NOX4: variants seen among roughly 807,000 people sequenced by gnomAD.
The protein encoded by NOX4 is kidney oxidase-1.
A neutral mutation model predicts 87.6 loss-of-function variants in NOX4; 69 were observed. That is an observed-to-expected ratio of 0.79 (90% CI 0.65 to 0.96). The LOEUF (loss-of-function observed/expected upper bound fraction) is 0.96. NOX4 is among the 40% of genes least tolerant of loss of function. The pLI is 0.00. For synonymous variants in NOX4, 275 were observed against 238.2 expected (o/e 1.15, Z -1.42); for missense variants, 680 against 681.5 (o/e 1.00, Z 0.02).
chr11:89,574,393 T>C, the NOX4 span, among the ~76,000 whole-genome samples: 2 of 152,236 alleles, frequency 1.3e-5, no homozygotes. Flanking sequence ...TGCCAATGCC[T>C]ACAGAGCAGA....
At chr11:89,542,322 T>C in the NOX4 span, among the ~76,000 whole-genome samples, 4 of 152,256 alleles carry the variant, frequency 2.6e-5, no homozygotes, top group African/African-American at 9.6e-5. Flanking sequence ...AATATTTGTC[T>C]GGCTTTTAGC....
At chr11:89,497,161 G>C (rs1946964766), upstream of NOX4, among the ~76,000 whole-genome samples, 1 of 152,190 alleles carries the variant, frequency 6.6e-6, no homozygotes, top group Admixed American at 6.6e-5. Context: ...GTGTTGCCAA[G>C]ACAGTGCACA....
At chr11:89,526,023 G>A in the NOX4 span, among the ~76,000 whole-genome samples, 3 of 151,844 alleles carry the variant, frequency 2.0e-5, no homozygotes, top group African/African-American at 2.4e-5. Context: ...CCATATATAC[G>A]TGAGTCTATT....
intron 12 of NOX4, among the ~76,000 whole-genome samples, chr11:89,358,428 G>T (rs1278457116): frequency 6.8e-6 from 1 of 147,744 alleles, no homozygotes; most frequent in Non-Finnish European, 1.5e-5. Context: ...AAAAGAAAGG[G>T]TTCATATATA....
At chr11:89,524,506 A>G in the NOX4 span, among the ~76,000 whole-genome samples, 1 of 152,082 alleles carries the variant, frequency 6.6e-6, no homozygotes, top group African/African-American at 2.4e-5. Context: ...CTGGCTTTCA[A>G]ACCATATCAG....
chr11:89,536,908 C>A, the NOX4 span, among the ~76,000 whole-genome samples: 1,084 of 152,316 alleles, frequency 7.1e-3, 16 homozygotes, highest in African/African-American at 0.024. Flanking sequence ...ATACCAGAAT[C>A]ATTTCCAATG....
chr11:89,343,849 G>C (rs1471326101), intron 13 of NOX4, among the ~76,000 whole-genome samples: 1 of 151,936 alleles, frequency 6.6e-6, no homozygotes, highest in Non-Finnish European at 1.5e-5. Flanking sequence ...CTTTATGAAG[G>C]ATTGTGTATC....
At chr11:89,585,616 C>T in the NOX4 span, among the ~76,000 whole-genome samples, 1 of 152,116 alleles carries the variant, frequency 6.6e-6, no homozygotes, top group Non-Finnish European at 1.5e-5. Context: ...AATGAAACTT[C>T]ATTTACAAAA....
At chr11:89,366,408 T>A (rs1938990509) in intron 12 of NOX4, among the ~76,000 whole-genome samples, 1 of 152,056 alleles carries the variant, frequency 6.6e-6, no homozygotes, top group Non-Finnish European at 1.5e-5. Flanking sequence ...CCAGGCACAG[T>A]AGATCACTCC....
intron 12 of NOX4, among the ~76,000 whole-genome samples, chr11:89,367,305 G>C (rs559892618): frequency 1.5e-4 from 23 of 152,196 alleles, no homozygotes; most frequent in African/African-American, 5.5e-4. Flanking sequence ...AGCCAGATCA[G>C]TATAAAAATC....
At chr11:89,356,226 G>A (rs1938034952) in intron 12 of NOX4, among the ~76,000 whole-genome samples, 1 of 151,796 alleles carries the variant, frequency 6.6e-6, no homozygotes, top group Non-Finnish European at 1.5e-5. Flanking sequence ...GAAGCAAAAG[G>A]GTAAATGTAA....
chr11:89,331,917 T>TG, intron 17 of NOX4, among the ~76,000 whole-genome samples: 1 of 151,892 alleles, frequency 6.6e-6, no homozygotes, highest in East Asian at 1.9e-4. Context: ...ACTTTTTTTT[T>TG]TTTCTTTTTC....
At chr11:89,374,750 C>G (rs1939714653) in intron 11 of NOX4, among the ~76,000 whole-genome samples, 2 of 151,972 alleles carry the variant, frequency 1.3e-5, no homozygotes, top group Non-Finnish European at 2.9e-5. Context: ...ATGTGTTGAT[C>G]ATTAGTAGAA....
At chr11:89,566,106 A>G in the NOX4 span, among the ~76,000 whole-genome samples, 1 of 149,936 alleles carries the variant, frequency 6.7e-6, no homozygotes, top group Non-Finnish European at 1.5e-5. Flanking sequence ...GTAGTGGTGC[A>G]ATCTCGGCTC....
the NOX4 span, among the ~76,000 whole-genome samples, chr11:89,513,273 T>C: frequency 5.9e-5 from 9 of 151,378 alleles, no homozygotes; most frequent in Non-Finnish European, 1.2e-4. Flanking sequence ...TGAGCCAAGA[T>C]CCTGCCATTG....
At chr11:89,517,640 T>C in the NOX4 span, among the ~76,000 whole-genome samples, 1 of 151,848 alleles carries the variant, frequency 6.6e-6, no homozygotes, top group Non-Finnish European at 1.5e-5. Context: ...TAATTTTTTT[T>C]TTTTCAATTT....
chr11:89,424,262 G>A (rs1328713779), intron 7 of NOX4, among the ~76,000 whole-genome samples: 1 of 151,354 alleles, frequency 6.6e-6, no homozygotes, highest in Admixed American at 6.6e-5. Flanking sequence ...TTAATAAAAG[G>A]ATTATTTTTA....
chr11:89,363,094 A>G (rs1938655049), intron 12 of NOX4, among the ~76,000 whole-genome samples: 1 of 152,112 alleles, frequency 6.6e-6, no homozygotes, highest in Admixed American at 6.6e-5. Flanking sequence ...TACAAACGCT[A>G]CAAGTAAATA....
At chr11:89,503,190 T>C in the NOX4 span, among the ~76,000 whole-genome samples, 9 of 152,104 alleles carry the variant, frequency 5.9e-5, no homozygotes, top group East Asian at 1.6e-3. Flanking sequence ...TGGAATCCCA[T>C]AGCCAAATTT....
Sources: allele counts gnomAD v4.1 joint callset (sites outside exome capture counted in the v4.1 genomes callset), GRCh38; gene constraint gnomAD v4.1.1; transcripts MANE v1.5; gene names NCBI Gene and HGNC (gene_info 2026-07-23, HGNC 2026-07-21).